Variants in SH3BP5 observed in about 807,000 individuals in gnomAD.
SH3BP5 encodes the protein SH3 domain binding protein 5.
Under a neutral mutation model 43.3 loss-of-function variants are expected in SH3BP5, and 22 were observed. The ratio of observed to expected loss-of-function variants is 0.51; its 90% CI spans 0.36 to 0.73. The LOEUF (loss-of-function observed/expected upper bound fraction) is 0.73. SH3BP5 is among the 30% of genes least tolerant of loss of function. The pLI is 0.00. For synonymous variants in SH3BP5, 255 were observed against 225.8 expected (o/e 1.13, Z -1.16); for missense variants, 529 against 586.9 (o/e 0.90, Z 1.02).
At chr3:15,312,598 A>G (rs558239135) in intron 2 of SH3BP5, among the ~76,000 whole-genome samples, 45 of 152,332 alleles carry the variant, frequency 3.0e-4, no homozygotes, top group South Asian at 1.7e-3. Context: ...AATAAGAATG[A>G]AGCAGTTGTT....
intron 4 of SH3BP5, among the ~76,000 whole-genome samples, chr3:15,263,599 T>A (rs149550014): frequency 6.6e-6 from 1 of 152,160 alleles, no homozygotes; most frequent in Non-Finnish European, 1.5e-5. Flanking sequence ...GGGAACACTT[T>A]GTTAAGTCTG....
At chr3:15,315,455 C>T (rs1381859075) in intron 2 of SH3BP5, among the ~76,000 whole-genome samples, 1 of 152,188 alleles carries the variant, frequency 6.6e-6, no homozygotes, top group Non-Finnish European at 1.5e-5. Flanking sequence ...CAACCCTTTC[C>T]AAGGCATCAC....
upstream of SH3BP5, chr3:15,332,640 C>A: frequency 1.7e-6 from 2 of 1,164,598 alleles, no homozygotes. Flanking sequence ...AGCGCCCGCT[C>A]CGCCCCCGTC....
intron 1 of SH3BP5, among the ~76,000 whole-genome samples, chr3:15,340,614 G>A (rs1387229893): frequency 6.6e-6 from 1 of 152,074 alleles, no homozygotes; most frequent in Non-Finnish European, 1.5e-5. Context: ...AGCCAGGCGT[G>A]GTGGCAGGCA....
intron 4 of SH3BP5, among the ~76,000 whole-genome samples, chr3:15,265,902 G>T (rs533298773): frequency 6.6e-6 from 1 of 151,974 alleles, no homozygotes; most frequent in African/African-American, 2.4e-5. Context: ...GCACCTTCCC[G>T]CATGGGCACC....
chr3:15,270,411 A>C lies in SH3BP5; in HGVS notation c.331-534T>G, dbSNP rs866242152. ...CCAGACTCCAGCCAGTATGAGTTCC[A>C]GCCCAGCACTGTCACTCTGCCAGAC... On this transcript the variant is annotated intron_variant, in intron 3 of 8. Transcript: ENST00000383791. 2.6e-5 allele frequency among the ~76,000 whole-genome samples: 4 copies of C among 152,318 alleles called. No homozygotes were observed. The Middle Eastern group carries it at 0.01, about 389-fold the overall frequency.
At chr3:15,324,334 A>G (rs1698406624) in intron 2 of SH3BP5, among the ~76,000 whole-genome samples, 1 of 152,088 alleles carries the variant, frequency 6.6e-6, no homozygotes, top group South Asian at 2.1e-4. Flanking sequence ...ACCCCACTAC[A>G]ATTGCTTGCT....
In SH3BP5 at chr3:15,256,917, G is replaced by C. The variant is rs145586777; in HGVS notation, c.1086C>G (p.Phe362Leu). ...ATTCACTTCGAGGGCCCAACACTGG[G>C]AACATCATCCCAAACTCTGACAGGG... ...PVSLSEFGMM[F>L]PVLGPRSECS... is the part of the protein sequence containing the mutation. The change falls in exon 8 of 9, where the codon TTC becomes TTG. Residue 362 changes from phenylalanine to leucine, a missense_variant. Transcript: ENST00000383791. 382 of 1,614,014 alleles carry C rather than the reference G, an allele frequency of 2.4e-4. No individual in the cohort carries two copies. Among genetic ancestry groups the C allele is most frequent in the Non-Finnish European group, 3.0e-4 (352 of 1,180,024 alleles).
intron 2 of SH3BP5, among the ~76,000 whole-genome samples, chr3:15,326,252 G>A (rs1575353671): frequency 6.6e-6 from 1 of 152,156 alleles, no homozygotes; most frequent in African/African-American, 2.4e-5. Flanking sequence ...CAAGTGACAC[G>A]GCAGATGGCT....
rs1698643387 is a variant in SH3BP5 at position 15,332,555 on chromosome 3, A to C, written c.-147T>G. The C allele has an allele frequency of 1.6e-6, 2 of 1,234,322 alleles. 1 individual carries two copies. The highest frequency in any genetic ancestry group is 6.8e-5 in the South Asian group (2 of 29,276). The allele number at this position is 1,234,322 out of a possible 1,614,324, so 76.5% of individuals were successfully genotyped here. On this transcript the variant is annotated 5_prime_UTR_variant, in exon 1 of 9. Transcript: ENST00000383791. Reference sequence around the variant, plus strand: ...GACACCCGGGAGACGCAGCTCGCCGATGCGGATACCTCCGGCCGCGGCGGA... The same window carrying C: ...GACACCCGGGAGACGCAGCTCGCCGCTGCGGATACCTCCGGCCGCGGCGGA...
At chr3:15,320,642 C>CA (rs1553619765) in intron 2 of SH3BP5, among the ~76,000 whole-genome samples, 3 of 25,768 alleles carry the variant, frequency 1.2e-4, no homozygotes, top group Admixed American at 1.1e-3. Context: ...ACACACACAC[C>CA]CCACTACGTT....
intron 2 of SH3BP5, among the ~76,000 whole-genome samples, chr3:15,321,079 GT>G (rs1698313395): frequency 6.6e-6 from 1 of 152,186 alleles, no homozygotes; most frequent in African/African-American, 2.4e-5. Flanking sequence ...GCCAGAACAT[GT>G]TTTGGCCACT....
rs749162442 is a variant in SH3BP5 at position 15,332,248 on chromosome 3, C to T, written c.138+23G>A. On this transcript the variant is annotated intron_variant, in intron 1 of 8. Coordinates refer to ENST00000383791, the MANE Select transcript of SH3BP5 (RefSeq NM_004844.5). ...TAGCAGCCCTCGCGAAGCCCGGATG[C>T]GGGGCGACCCCGCGCGCCCTACCTG... The T allele has an allele frequency of 2.6e-6, 4 of 1,551,264 alleles. No homozygotes were observed. In the South Asian group the frequency reaches 3.5e-5, roughly 14 times the overall value.
intron 3 of SH3BP5, among the ~76,000 whole-genome samples, chr3:15,281,834 T>C (rs1697138626): frequency 6.6e-6 from 1 of 152,046 alleles, no homozygotes; most frequent in Admixed American, 6.6e-5. Context: ...GAAACCCTTT[T>C]TCTACTAAAA....
At chr3:15,322,408 G>A (rs996344591) in intron 2 of SH3BP5, among the ~76,000 whole-genome samples, 9 of 151,794 alleles carry the variant, frequency 5.9e-5, no homozygotes, top group East Asian at 1.9e-4. Context: ...AAATGCTAAC[G>A]CCCCCAAGCA....
intron 3 of SH3BP5, among the ~76,000 whole-genome samples, chr3:15,282,276 G>GGGAC (rs1697152352): frequency 6.6e-6 from 1 of 152,154 alleles, no homozygotes. Flanking sequence ...AATTACAGCA[G>GGGAC]GGACCCATGA....
At chr3:15,330,795 A>G in intron 1 of SH3BP5, 23 of 981,082 alleles carry the variant, frequency 2.3e-5, no homozygotes, top group Non-Finnish European at 2.8e-5. Flanking sequence ...GTCTTCAGAG[A>G]CATTTGGAAT....
chr3:15,320,787 T>G (rs1017442726), intron 2 of SH3BP5, among the ~76,000 whole-genome samples: 3 of 152,156 alleles, frequency 2.0e-5, no homozygotes, highest in African/African-American at 7.2e-5. Flanking sequence ...AATGAATCCA[T>G]CAACCCCCAT....
intron 4 of SH3BP5, among the ~76,000 whole-genome samples, chr3:15,268,916 G>A (rs1400318362): frequency 1.3e-5 from 2 of 152,140 alleles, no homozygotes; most frequent in African/African-American, 4.8e-5. Context: ...TGTGAACCAA[G>A]AAACAGGCCC....
Sources: gnomAD v4.1 joint callset for allele counts (sites outside exome capture counted in the v4.1 genomes callset) on GRCh38, gnomAD v4.1.1 for gene constraint, MANE v1.5 for transcripts, NCBI Gene and HGNC (gene_info 2026-07-23, HGNC 2026-07-21) for gene names.